Variants in GRID1 observed in about 807,000 individuals in gnomAD.
GRID1 encodes the protein glutamate receptor ionotropic, delta-1.
GRID1 carries 28 observed loss-of-function variants against 98.0 expected under a neutral mutation model. The observed-to-expected ratio is 0.29, with a 90% CI of 0.21 to 0.39. The LOEUF (loss-of-function observed/expected upper bound fraction) is 0.39. Among genes scored for constraint, GRID1 ranks in the 10% least tolerant of loss-of-function variants. The probability of loss-of-function intolerance (pLI) is 1.00; values close to 1 mark genes in which losing one functional copy is unlikely to be tolerated. For missense variants in GRID1, 1,111 were observed against 1,340.5 expected, an observed-to-expected ratio of 0.83 and a Z score of 2.67; for synonymous variants, 553 against 538.5, an observed-to-expected ratio of 1.03 and a Z score of -0.37.
chr10:86,026,973 T>C (rs570768291), intron 4 of GRID1, among the ~76,000 whole-genome samples: 100 of 152,324 alleles, frequency 6.6e-4, no homozygotes, highest in African/African-American at 2.3e-3. Flanking sequence ...GTCTAAAGCA[T>C]GCTGGGCTAA....
At chr10:85,638,745 G>A (rs561799367) in intron 13 of GRID1, among the ~76,000 whole-genome samples, 69 of 152,172 alleles carry the variant, frequency 4.5e-4, no homozygotes, top group African/African-American at 1.5e-3. Context: ...ATGAGAAGAT[G>A]GAAAACTCAA....
chr10:85,984,169 C>T (rs936530485), intron 4 of GRID1, among the ~76,000 whole-genome samples: 1 of 152,160 alleles, frequency 6.6e-6, no homozygotes, highest in African/African-American at 2.4e-5. Context: ...GGCTTCATCC[C>T]TGCCTGCTCA....
At position 85,772,827 on chromosome 10, in the gene GRID1, A is replaced by G. The variant is rs556450839; in HGVS notation, c.1234-43213T>C. 6.6e-5 allele frequency among the ~76,000 whole-genome samples: 10 copies of G among 152,340 alleles called. No individual in the cohort carries two copies. The East Asian group carries it at 1.9e-3, about 29-fold the overall frequency. The stretch of plus-strand genomic sequence containing the variant: ...AGCAGGCTCTGAAATTGGGGCAATA[A>G]TCAATAGCTTATCAACCAAAAAGAG... On this transcript the variant is annotated intron_variant, in intron 8 of 15. Transcript: ENST00000327946.
intron 12 of GRID1, among the ~76,000 whole-genome samples, chr10:85,719,320 C>T (rs952809114): frequency 6.6e-6 from 1 of 152,190 alleles, no homozygotes; most frequent in South Asian, 2.1e-4. Flanking sequence ...ATTCCAAAGT[C>T]GCTTCTACAT....
At chr10:85,913,817 A>G (rs1230808002) in intron 5 of GRID1, among the ~76,000 whole-genome samples, 1 of 152,216 alleles carries the variant, frequency 6.6e-6, no homozygotes, top group African/African-American at 2.4e-5. Flanking sequence ...AGATAAAAAA[A>G]GAAATATTAG....
At chr10:86,131,874 T>A (rs1844843497) in intron 4 of GRID1, among the ~76,000 whole-genome samples, 1 of 151,850 alleles carries the variant, frequency 6.6e-6, no homozygotes, top group Non-Finnish European at 1.5e-5. Flanking sequence ...GCTCCTGGGG[T>A]CCCACCCTCC....
At chr10:85,699,058 GT>G (rs1841424603) in intron 12 of GRID1, among the ~76,000 whole-genome samples, 1 of 151,564 alleles carries the variant, frequency 6.6e-6, no homozygotes, top group African/African-American at 2.4e-5. Context: ...TTTGTTTTTT[GT>G]TTTGTTTTTT....
intron 12 of GRID1, among the ~76,000 whole-genome samples, chr10:85,685,559 A>C (rs1253042747): frequency 6.6e-6 from 1 of 152,188 alleles, no homozygotes. Context: ...TGATCCAAAA[A>C]CATATATGGA....
intron 5 of GRID1, among the ~76,000 whole-genome samples, chr10:85,894,180 G>A (rs1024278595): frequency 1.3e-5 from 2 of 151,990 alleles, no homozygotes; most frequent in Admixed American, 6.6e-5. Flanking sequence ...CATACTGAAG[G>A]GCAATTGATT....
chr10:85,799,500 A>T (rs549042753), intron 8 of GRID1, among the ~76,000 whole-genome samples: 1 of 152,278 alleles, frequency 6.6e-6, no homozygotes, highest in South Asian at 2.1e-4. Context: ...GATTTTTAAA[A>T]TGTGTTATAC....
At chr10:85,641,702 T>C (rs1435241871) in intron 13 of GRID1, among the ~76,000 whole-genome samples, 1 of 152,202 alleles carries the variant, frequency 6.6e-6, no homozygotes, top group Non-Finnish European at 1.5e-5. Context: ...TATGAATGCA[T>C]GTAAATGATC....
chr10:85,706,644 G>A (rs563335691), intron 12 of GRID1, among the ~76,000 whole-genome samples: 69 of 152,146 alleles, frequency 4.5e-4, no homozygotes, highest in Middle Eastern at 3.4e-3. Flanking sequence ...AAAAGAGCCC[G>A]CATTGCCAAG....
In GRID1 at chr10:85,860,452, G is replaced by A. The variant is rs576323586; in HGVS notation, c.952-4262C>T. On this transcript the variant is annotated intron_variant, in intron 6 of 15. Transcript: ENST00000327946. The stretch of plus-strand genomic sequence containing the variant: ...CTGGAGCCAGGTCAGAGATGCTAGA[G>A]GGAGTGAAGTCAAGGCCAGACAGAA... Among the ~76,000 whole-genome samples the A allele has an allele frequency of 1.1e-3, 174 of 152,322 alleles. 1 individual carries two copies. In the Middle Eastern group the frequency reaches 0.017, roughly 15 times the overall value.
chr10:85,800,028 T>C (rs1398339191), intron 8 of GRID1, among the ~76,000 whole-genome samples: 4 of 152,004 alleles, frequency 2.6e-5, no homozygotes, highest in African/African-American at 9.7e-5. Flanking sequence ...AATTAAAAAG[T>C]ATAGGGAATA....
At chr10:85,692,254 A>G (rs1841341507) in intron 12 of GRID1, among the ~76,000 whole-genome samples, 1 of 152,212 alleles carries the variant, frequency 6.6e-6, no homozygotes, top group South Asian at 2.1e-4. Context: ...TTTAGCATGG[A>G]GAACTATAAA....
intron 2 of GRID1, among the ~76,000 whole-genome samples, chr10:86,295,107 A>G (rs1847568884): frequency 6.6e-6 from 1 of 152,232 alleles, no homozygotes; most frequent in African/African-American, 2.4e-5. Context: ...AGAGAAAGGC[A>G]TGGGAGACAG....
At chr10:86,103,611 T>C (rs945113529) in intron 4 of GRID1, among the ~76,000 whole-genome samples, 5 of 152,220 alleles carry the variant, frequency 3.3e-5, no homozygotes, top group African/African-American at 1.2e-4. Flanking sequence ...ATGCTGCTTA[T>C]GTAATGCCTT....
chr10:86,068,909 C>T (rs533286654), intron 4 of GRID1, among the ~76,000 whole-genome samples: 7 of 152,270 alleles, frequency 4.6e-5, no homozygotes, highest in Admixed American at 6.5e-5. Context: ...TCCTTTCTCA[C>T]GGGCTTGCCA....
chr10:86,237,995 G>C (rs941258408), intron 2 of GRID1, among the ~76,000 whole-genome samples: 1 of 152,188 alleles, frequency 6.6e-6, no homozygotes, highest in African/African-American at 2.4e-5. Flanking sequence ...TTTGGAACTG[G>C]GTAATTGCCA....
Sources: gnomAD v4.1 joint callset for allele counts (sites outside exome capture counted in the v4.1 genomes callset) on GRCh38, gnomAD v4.1.1 for gene constraint, MANE v1.5 for transcripts, NCBI Gene and HGNC (gene_info 2026-07-23, HGNC 2026-07-21) for gene names.